The following ELF1 variants were observed in gnomAD, a reference collection of about 807,000 sequenced individuals.
ELF1 encodes the protein ETS-related transcription factor Elf-1.
ELF1 carries 24 observed loss-of-function variants against 59.9 expected under a neutral mutation model. The ratio of observed to expected loss-of-function variants is 0.40; its 90% CI spans 0.29 to 0.56. ELF1 has a LOEUF of 0.56. ELF1 is among the 20% of genes least tolerant of loss of function. The pLI, the probability that ELF1 is intolerant of heterozygous loss-of-function variation, is 0.44. For missense variants in ELF1, 627 were observed against 742.2 expected, an observed-to-expected ratio of 0.84 and a Z score of 1.80; for synonymous variants, 248 against 266.2, an observed-to-expected ratio of 0.93 and a Z score of 0.67.
intron 1 of ELF1, among the ~76,000 whole-genome samples, chr13:41,013,308 G>C (rs746710417): frequency 1.3e-5 from 2 of 152,046 alleles, no homozygotes. Flanking sequence ...TTTATGTCCC[G>C]GGGAACCATG....
At chr13:40,991,241 G>A (rs1049504865) in intron 1 of ELF1, among the ~76,000 whole-genome samples, 1 of 152,176 alleles carries the variant, frequency 6.6e-6, no homozygotes, top group African/African-American at 2.4e-5. Context: ...CCTGGGACAG[G>A]AAAGGGACAT....
At chr13:41,048,320 C>A (rs1876946638) in intron 1 of ELF1, among the ~76,000 whole-genome samples, 1 of 152,234 alleles carries the variant, frequency 6.6e-6, no homozygotes, top group Non-Finnish European at 1.5e-5. Flanking sequence ...TGAGATGAAC[C>A]CGGTACCTCA....
intron 5 of ELF1, 48 bp from the exon 6 acceptor site, chr13:40,943,973 G>C: frequency 6.4e-7 from 1 of 1,560,298 alleles, no homozygotes; most frequent in Non-Finnish European, 8.8e-7. Flanking sequence ...AAAAGTGAGA[G>C]AAAATGGACA....
At position 40,941,050 on chromosome 13, in the gene ELF1, G is replaced by A. The variant is rs576565224; in HGVS notation, c.1127C>T (p.Ser376Phe). ...EVLRTVQPTQ[S>F]PYPTQLFRTV... The stretch of plus-strand genomic sequence containing the variant: ...CCGGAAGAGCTGGGTAGGATATGGA[G>A]ACTGCGTGGGCTGCACTGTCCTCAA... The change falls in exon 8 of 9, where the codon TCT becomes TTT. Residue 376 changes from serine to phenylalanine, a missense_variant. Coordinates refer to ENST00000239882, the MANE Select transcript of ELF1 (RefSeq NM_172373.4). 1.7e-5 allele frequency: 27 copies of A among 1,614,194 alleles called. No homozygotes were observed. The East Asian group carries it at 4.2e-4, about 25-fold the overall frequency.
At chr13:41,020,250 T>C (rs1875636472), upstream of ELF1, among the ~76,000 whole-genome samples, 1 of 152,258 alleles carries the variant, frequency 6.6e-6, no homozygotes, top group Non-Finnish European at 1.5e-5. Context: ...CACCTACTTA[T>C]TCTGGCCTCT....
chr13:41,046,369 C>T (rs763072845), intron 1 of ELF1, among the ~76,000 whole-genome samples: 45 of 152,204 alleles, frequency 3.0e-4, no homozygotes, highest in Non-Finnish European at 6.2e-4. Flanking sequence ...GATGCAGTTT[C>T]TTCCTAGCAT....
chr13:41,005,450 C>CAAAAA (rs11383900), intron 1 of ELF1, among the ~76,000 whole-genome samples: 1 of 55,002 alleles, frequency 1.8e-5, no homozygotes, highest in Non-Finnish European at 3.4e-5. Flanking sequence ...TATACCTATC[C>CAAAAA]AAAAAAAAAA....
At chr13:40,986,485 T>C in intron 1 of ELF1, among the ~76,000 whole-genome samples, 1 of 152,358 alleles carries the variant, frequency 6.6e-6, no homozygotes, top group East Asian at 1.9e-4. Flanking sequence ...TAATAATTCC[T>C]TAAGGGTCAT....
chr13:40,969,043 A>C (rs771138151), intron 2 of ELF1, among the ~76,000 whole-genome samples: 39 of 152,198 alleles, frequency 2.6e-4, no homozygotes. Flanking sequence ...TATAAAATAA[A>C]AAGCAGTTTT....
intron 2 of ELF1, among the ~76,000 whole-genome samples, chr13:40,967,603 AT>A (rs1782322935): frequency 1.3e-5 from 2 of 152,004 alleles, no homozygotes; most frequent in Non-Finnish European, 2.9e-5. Context: ...TTTTGTTTTT[AT>A]TTTTTTGAGA....
At chr13:41,045,879 TG>T (rs1876822245) in intron 1 of ELF1, among the ~76,000 whole-genome samples, 1 of 152,190 alleles carries the variant, frequency 6.6e-6, no homozygotes, top group African/African-American at 2.4e-5. Context: ...ATGTTGACAG[TG>T]GGGTGCTAAA....
At chr13:41,014,731 T>C (rs1468996038) in intron 1 of ELF1, among the ~76,000 whole-genome samples, 1 of 152,128 alleles carries the variant, frequency 6.6e-6, no homozygotes, top group African/African-American at 2.4e-5. Flanking sequence ...TCTGGCTAAT[T>C]TATGGAAGCA....
rs760051911 is a variant in ELF1 at position 40,982,003 on chromosome 13, C to T, written c.52G>A (p.Val18Ile). 3.1e-5 allele frequency: 50 copies of T among 1,609,072 alleles called. No homozygotes were observed. Among genetic ancestry groups the T allele is most frequent in the Non-Finnish European group, 3.0e-5 (35 of 1,177,534 alleles). ...NDLVFEFASN[V>I]MEDERQLGDP... The stretch of plus-strand genomic sequence containing the variant: ...CATACCTGTCGTTCATCCTCCATGA[C>T]GTTACTAGCAAATTCAAATACTAGG... Residue 18 changes from valine (V) to isoleucine (I), a missense_variant, in exon 2 of 9, where the codon GTC becomes ATC. By Grantham distance (29) the Val-to-Ile change is conservative. Coordinates refer to ENST00000239882, the MANE Select transcript of ELF1 (RefSeq NM_172373.4).
At chr13:40,958,781 G>A in intron 3 of ELF1, 55 bp downstream of exon 3, 2 of 1,539,242 alleles carry the variant, frequency 1.3e-6, no homozygotes, top group South Asian at 2.6e-5. Flanking sequence ...TCAGGATTAG[G>A]ACACTGCCTA....
intron 3 of ELF1, among the ~76,000 whole-genome samples, chr13:40,958,075 A>C (rs1259291748): frequency 6.6e-6 from 1 of 152,202 alleles, no homozygotes; most frequent in East Asian, 1.9e-4. Context: ...GCTTCCAAAC[A>C]GTTTTCTCAA....
chr13:41,042,679 G>A (rs1876669315), intron 1 of ELF1, among the ~76,000 whole-genome samples: 1 of 152,124 alleles, frequency 6.6e-6, no homozygotes, highest in Admixed American at 6.5e-5. Context: ...TGGTGTATAT[G>A]TGCCACATTT....
intron 1 of ELF1, among the ~76,000 whole-genome samples, chr13:41,027,343 C>T (rs1170406778): frequency 6.6e-6 from 1 of 152,234 alleles, no homozygotes; most frequent in Non-Finnish European, 1.5e-5. Flanking sequence ...ATAGCATGAC[C>T]TGTTTTATGG....
chr13:41,004,520 T>C (rs1471737092), intron 1 of ELF1, among the ~76,000 whole-genome samples: 1 of 152,116 alleles, frequency 6.6e-6, no homozygotes, highest in Non-Finnish European at 1.5e-5. Flanking sequence ...TGAACATCAT[T>C]TACTAACTGT....
At chr13:41,024,195 T>C (rs1456229737), upstream of ELF1, among the ~76,000 whole-genome samples, 3 of 152,238 alleles carry the variant, frequency 2.0e-5, no homozygotes, top group Non-Finnish European at 4.4e-5. Context: ...ACCAGGAATG[T>C]ACCCCTGAAG....
Sources: allele counts gnomAD v4.1 joint callset (sites outside exome capture counted in the v4.1 genomes callset), GRCh38; gene constraint gnomAD v4.1.1; transcripts MANE v1.5; gene names NCBI Gene and HGNC (gene_info 2026-07-23, HGNC 2026-07-21).